PCDHGA5: variants seen among roughly 807,000 people sequenced by gnomAD.
The protein encoded by PCDHGA5 is protocadherin gamma subfamily A, 5, also known as protocadherin gamma-A5.
A neutral mutation model predicts 56.7 loss-of-function variants in PCDHGA5; 36 were observed. The observed-to-expected ratio is 0.64, with a 90% confidence interval of 0.49 to 0.84. The LOEUF (loss-of-function observed/expected upper bound fraction) is 0.84, where lower values mean the gene tolerates loss of function less well. Ranked by LOEUF, PCDHGA5 falls within the 40% of genes least tolerant of loss-of-function variation. The pLI is 0.00. For synonymous variants in PCDHGA5, 563 were observed against 520.2 expected (o/e 1.08, Z -1.12); for missense variants, 1,305 against 1,201.5 (o/e 1.09, Z -1.27).
At chr5:141,416,641 C>A (rs996381588) in intron 1 of PCDHGA5, 1 of 152,056 alleles carries the variant, frequency 6.6e-6, no homozygotes, top group Non-Finnish European at 1.5e-5. Context: ...AAACACCAAC[C>A]ACAGCTGTAA....
rs2099730037 is a variant in PCDHGA5 at position 141,491,783 on chromosome 5, A to G, written c.2422-3024A>G. The G allele has an allele frequency of 1.3e-6, 2 of 1,539,618 alleles. No homozygotes were observed. The highest frequency in any genetic ancestry group is 2.2e-5 in the Admixed American group (1 of 46,412). On this transcript the variant is annotated intron_variant, in intron 1 of 3. Transcript: ENST00000518069. The surrounding 1 kb of genome is among the most constrained non-coding windows in gnomAD (Gnocchi z 6.9). ...CGTCCTCATAAGGGATTGAACTTGC[A>G]TCCACTCCTCTCCGGCCGGCTTGGT...
Position 141,372,655 on chromosome 5 carries a change from C to T in PCDHGA5, c.2421+5904C>T, listed in dbSNP as rs1424749894. 2.5e-6 allele frequency: 4 copies of T among 1,613,986 alleles called. No homozygotes were observed. The South Asian group carries it at 3.3e-5, about 13-fold the overall frequency. ...AGGACTTTGCCTTATTCCTACAATC[C>T]GTGTGCTGCCTCACATTCCTCAAAC... On this transcript the variant is annotated intron_variant, in intron 1 of 3. Coordinates refer to ENST00000518069, the MANE Select transcript of PCDHGA5 (RefSeq NM_018918.3).
intron 1 of PCDHGA5, chr5:141,421,800 G>A: frequency 6.2e-7 from 1 of 1,613,846 alleles, no homozygotes; most frequent in Non-Finnish European, 8.5e-7. Context: ...ATGGGGCCAA[G>A]AATCCAGAGC....
intron 1 of PCDHGA5, chr5:141,399,649 G>T: frequency 1.2e-6 from 2 of 1,613,794 alleles, no homozygotes; most frequent in African/African-American, 1.3e-5. Flanking sequence ...CGCGCAAAGT[G>T]GGGTGGTGTT....
At chr5:141,465,467 C>T (rs2099103834) in intron 1 of PCDHGA5, among the ~76,000 whole-genome samples, 1 of 152,178 alleles carries the variant, frequency 6.6e-6, no homozygotes, top group Non-Finnish European at 1.5e-5. Flanking sequence ...CCAAATTGCC[C>T]TTGCTTCATG....
intron 1 of PCDHGA5, chr5:141,371,215 A>G: frequency 1.9e-6 from 3 of 1,614,052 alleles, no homozygotes; most frequent in East Asian, 2.2e-5. Flanking sequence ...GAGGGCATCA[A>G]TGCCGAAATC....
chr5:141,391,896 G>A (rs2092439615), intron 1 of PCDHGA5: 1 of 152,128 alleles, frequency 6.6e-6, no homozygotes, highest in Non-Finnish European at 1.5e-5. Flanking sequence ...ATGGGATGGA[G>A]CTTTGCTTTT....
intron 3 of PCDHGA5, among the ~76,000 whole-genome samples, chr5:141,507,893 G>C (rs750472786): frequency 2.2e-4 from 33 of 152,356 alleles, no homozygotes; most frequent in Non-Finnish European, 4.1e-4. Context: ...AGAGGTTCCT[G>C]AAGTCCAGCC....
At chr5:141,405,029 C>T in intron 1 of PCDHGA5, 1 of 1,613,976 alleles carries the variant, frequency 6.2e-7, no homozygotes, top group Non-Finnish European at 8.5e-7. Flanking sequence ...TACCCTCTAC[C>T]TCGTTGTGGC....
chr5:141,401,613 G>A (rs906957282), intron 1 of PCDHGA5, among the ~76,000 whole-genome samples: 1 of 152,162 alleles, frequency 6.6e-6, no homozygotes, highest in Admixed American at 6.5e-5. Flanking sequence ...AAAAGACACC[G>A]GATTTGTCTT....
Position 141,476,437 on chromosome 5 carries a change from TCTGGAGTTGGTAGTGGAGAACCC to T in PCDHGA5, c.2422-18369_2422-18347del. ...GGACACTGCCCTCTTGCACTGTAAC[TCTGGAGTTGGTAGTGGAGAACCC>T]GCTGGAGCTGTTCAGCGTGGAAGTG... On this transcript the variant is annotated intron_variant, in intron 1 of 3. Transcript: ENST00000518069. The surrounding 1 kb of genome is among the most constrained non-coding windows in gnomAD (Gnocchi z 7.6). 1 of 1,614,004 alleles carries T rather than the reference TCTGGAGTTGGTAGTGGAGAACCC, an allele frequency of 6.2e-7. No individual in the cohort carries two copies. The highest frequency in any genetic ancestry group is 2.2e-5 in the East Asian group (1 of 44,836).
intron 1 of PCDHGA5, chr5:141,376,683 T>G (rs993121211): frequency 8.6e-5 from 69 of 804,030 alleles, no homozygotes; most frequent in African/African-American, 6.0e-4. Flanking sequence ...ATCGTTTTTT[T>G]TTTTTTTTTT....
intron 1 of PCDHGA5, chr5:141,419,582 T>A (rs1474193256): frequency 6.2e-7 from 1 of 1,611,894 alleles, no homozygotes. Context: ...CTCCGCGCTC[T>A]TCGACACAGT....
At chr5:141,418,287 G>C in intron 1 of PCDHGA5, 1 of 1,614,020 alleles carries the variant, frequency 6.2e-7, no homozygotes, top group South Asian at 1.1e-5. Context: ...TTAGAAATCA[G>C]TGAATCCGTC....
chr5:141,482,546 A>G (rs1489817593), intron 1 of PCDHGA5, among the ~76,000 whole-genome samples: 1 of 151,868 alleles, frequency 6.6e-6, no homozygotes, highest in Non-Finnish European at 1.5e-5. Context: ...AAAAAAAAAA[A>G]AAAGATAATG....
intron 1 of PCDHGA5, chr5:141,417,766 C>G: frequency 6.9e-7 from 1 of 1,442,472 alleles, no homozygotes; most frequent in Non-Finnish European, 9.1e-7. Flanking sequence ...AGACCCGGGA[C>G]TCCTCCTGTC....
intron 1 of PCDHGA5, chr5:141,478,910 A>C (rs568573298): frequency 1.1e-6 from 1 of 893,688 alleles, no homozygotes; most frequent in Non-Finnish European, 1.6e-6. Context: ...AAGCTGCTGG[A>C]TACCTCTAAC....
chr5:141,380,571 T>C (rs529430145), intron 1 of PCDHGA5, among the ~76,000 whole-genome samples: 2 of 152,352 alleles, frequency 1.3e-5, no homozygotes, highest in African/African-American at 4.8e-5. Context: ...ATTAAACATA[T>C]CTTGGCGGTC....
At chr5:141,425,756 A>G (rs1282506394) in intron 1 of PCDHGA5, among the ~76,000 whole-genome samples, 1 of 152,228 alleles carries the variant, frequency 6.6e-6, no homozygotes, top group Non-Finnish European at 1.5e-5. Flanking sequence ...TTTTTGTTCT[A>G]CAACAGGAGA....
Sources: gnomAD v4.1 joint callset for allele counts (sites outside exome capture counted in the v4.1 genomes callset) on GRCh38, gnomAD v4.1.1 for gene constraint, Gnocchi (gnomAD v3.1) non-coding constraint, MANE v1.5 for transcripts, NCBI Gene and HGNC (gene_info 2026-07-23, HGNC 2026-07-21) for gene names.